NRG4: variants seen among roughly 807,000 people sequenced by gnomAD.
The protein encoded by NRG4 is neuregulin 4.
A neutral mutation model predicts 15.0 loss-of-function variants in NRG4; 10 were observed. The ratio of observed to expected loss-of-function variants is 0.67; its 90% CI spans 0.41 to 1.13. NRG4 has a LOEUF of 1.13. Ranked by LOEUF, NRG4 falls within the 50% of genes most tolerant of loss-of-function variation. The probability of loss-of-function intolerance (pLI) is 0.00; values close to 1 mark genes in which losing one functional copy is unlikely to be tolerated. For missense variants in NRG4, 139 were observed against 140.2 expected, an observed-to-expected ratio of 0.99 and a Z score of 0.04; for synonymous variants, 41 against 50.1, an observed-to-expected ratio of 0.82 and a Z score of 0.77.
chr15:76,049,427 C>T (rs1171498975), intron 4 of NRG4, among the ~76,000 whole-genome samples: 1 of 150,710 alleles, frequency 6.6e-6, no homozygotes, highest in African/African-American at 2.5e-5. Flanking sequence ...TCTGACCCTC[C>T]CATCCTCACT....
At chr15:76,044,126 T>C (rs1476891374) in intron 4 of NRG4, among the ~76,000 whole-genome samples, 1 of 151,872 alleles carries the variant, frequency 6.6e-6, no homozygotes, top group Non-Finnish European at 1.5e-5. Flanking sequence ...GCCTCCCGAG[T>C]AGCTGGGACT....
At chr15:75,997,851 G>A (rs947487135) in intron 3 of NRG4, among the ~76,000 whole-genome samples, 4 of 152,108 alleles carry the variant, frequency 2.6e-5, no homozygotes, top group South Asian at 2.1e-4. Flanking sequence ...TGACTGGCTT[G>A]CATCCCTTTT....
chr15:75,967,304 A>C (rs1030159713), intron 3 of NRG4, among the ~76,000 whole-genome samples: 1 of 152,046 alleles, frequency 6.6e-6, no homozygotes, highest in Non-Finnish European at 1.5e-5. Context: ...ATTCTTAATA[A>C]TATGTAGAGA....
intron 5 of NRG4, among the ~76,000 whole-genome samples, chr15:76,017,536 C>T (rs1321140322): frequency 6.6e-6 from 1 of 152,112 alleles, no homozygotes; most frequent in East Asian, 1.9e-4. Flanking sequence ...CTGGTGGTGA[C>T]AAAATCTCTC....
At chr15:76,028,762 C>T (rs1176999124) in intron 5 of NRG4, among the ~76,000 whole-genome samples, 2 of 151,764 alleles carry the variant, frequency 1.3e-5, no homozygotes, top group South Asian at 2.1e-4. Context: ...TAGCCAGGCA[C>T]GATGGCCTGC....
intron 5 of NRG4, among the ~76,000 whole-genome samples, chr15:75,947,200 T>C (rs1302754892): frequency 6.6e-6 from 1 of 152,240 alleles, no homozygotes; most frequent in East Asian, 1.9e-4. Context: ...TTGCTCATTA[T>C]AATTGTAAAA....
intron 5 of NRG4, among the ~76,000 whole-genome samples, chr15:75,954,268 T>TG (rs1567073646): frequency 6.7e-6 from 1 of 150,004 alleles, no homozygotes; most frequent in African/African-American, 2.5e-5. Flanking sequence ...TTTTTTTGTT[T>TG]TTTTTTTTTT....
In NRG4 at chr15:76,048,471, C is replaced by CAA. The variant is rs35429006; in HGVS notation, c.-105+3594_-105+3595dup. ...TGGGCAACAAAACAAGACTCTGACT[C>CAA]AAAAAAAAAAAAAAAAAAAAGCTGG... On this transcript the variant is annotated intron_variant, in intron 4 of 8. Coordinates refer to the NRG4 transcript ENST00000563910. Among the ~76,000 whole-genome samples the CAA allele has an allele frequency of 1.6e-3, 116 of 73,842 alleles. 2 individuals carry two copies. Among genetic ancestry groups the CAA allele is most frequent in the South Asian group, 0.016 (27 of 1,736 alleles). 48.4% of individuals were successfully genotyped at this position (73,842 alleles called of 152,430 possible).
downstream of NRG4, chr15:75,938,412 AAAT>A (rs1469863078): frequency 1.3e-5 from 2 of 152,204 alleles, no homozygotes; most frequent in Non-Finnish European, 2.9e-5. Flanking sequence ...AGGAACAGGA[AAAT>A]AATGCGCATT....
chr15:75,995,255 G>A (rs2034171618), intron 3 of NRG4, among the ~76,000 whole-genome samples: 1 of 152,062 alleles, frequency 6.6e-6, no homozygotes, highest in African/African-American at 2.4e-5. Context: ...TCATGCTTCT[G>A]GAGGCTATAC....
intron 3 of NRG4, among the ~76,000 whole-genome samples, chr15:75,968,665 T>C (rs1361044219): frequency 7.0e-6 from 1 of 143,330 alleles, no homozygotes; most frequent in African/African-American, 2.6e-5. Context: ...ACTTGGGAGG[T>C]TGAGGTGGGT....
chr15:76,019,788 C>T lies in NRG4; in HGVS notation c.-56-8502G>A, dbSNP rs144725240. ...GCTGCAGACCAGAGCTGTTCCTATT[C>T]GGCCATCTTGCCAGCCACCCATTAT... On this transcript the variant is annotated intron_variant, in intron 5 of 8. Coordinates refer to the NRG4 transcript ENST00000563910. Among the ~76,000 whole-genome samples the T allele has an allele frequency of 2.2e-3, 330 of 152,214 alleles. 4 individuals carry two copies. The highest frequency in any genetic ancestry group is 0.019 in the East Asian group (98 of 5,168).
chr15:75,965,519 A>T (rs892417240), intron 3 of NRG4, among the ~76,000 whole-genome samples: 1 of 152,224 alleles, frequency 6.6e-6, no homozygotes, highest in African/African-American at 2.4e-5. Flanking sequence ...TGTTAGGTCA[A>T]AACAGAACCT....
At chr15:76,031,248 A>T (rs2035464838) in intron 5 of NRG4, among the ~76,000 whole-genome samples, 1 of 152,224 alleles carries the variant, frequency 6.6e-6, no homozygotes, top group African/African-American at 2.4e-5. Context: ...AAAAACCTAC[A>T]ATTAGCATCA....
chr15:75,995,151 G>A (rs1401545186), intron 3 of NRG4, among the ~76,000 whole-genome samples: 1 of 151,546 alleles, frequency 6.6e-6, no homozygotes, highest in Non-Finnish European at 1.5e-5. Context: ...CCGCACCACT[G>A]CACTCCAGTA....
chr15:76,020,908 T>A (rs571413244), intron 5 of NRG4, among the ~76,000 whole-genome samples: 2 of 152,342 alleles, frequency 1.3e-5, no homozygotes, highest in African/African-American at 4.8e-5. Context: ...ATGTAGAAGC[T>A]GCAGCAAATT....
intron 5 of NRG4, among the ~76,000 whole-genome samples, chr15:76,023,176 A>G (rs2035211408): frequency 7.1e-6 from 1 of 141,452 alleles, no homozygotes; most frequent in Admixed American, 6.9e-5. Context: ...ACACACACAC[A>G]CACACACAAG....
chr15:76,011,159 G>T (rs1596021728), intron 2 of NRG4, 62 bp downstream of exon 2: 15 of 1,262,714 alleles, frequency 1.2e-5, no homozygotes, highest in Admixed American at 2.9e-5. Flanking sequence ...ATACATTTTT[G>T]ATTGTTGTTC....
chr15:76,022,732 A>G (rs1327475710), intron 5 of NRG4, among the ~76,000 whole-genome samples: 1 of 152,170 alleles, frequency 6.6e-6, no homozygotes, highest in African/African-American at 2.4e-5. Context: ...TCCAGATTGT[A>G]GACTTTATCT....
Sources: allele counts gnomAD v4.1 joint callset (sites outside exome capture counted in the v4.1 genomes callset), GRCh38; gene constraint gnomAD v4.1.1; transcripts MANE v1.5; gene names NCBI Gene and HGNC (gene_info 2026-07-23, HGNC 2026-07-21).